Variants in TMEM135 observed in about 807,000 individuals in gnomAD.
TMEM135 encodes the protein transmembrane protein 135, also known as peroxisomal membrane protein 52.
TMEM135 carries 30 observed loss-of-function variants against 60.3 expected under a neutral mutation model. The observed-to-expected ratio is 0.50, with a 90% confidence interval of 0.37 to 0.68. TMEM135 has a LOEUF of 0.68. Among genes scored for constraint, TMEM135 ranks in the 30% least tolerant of loss-of-function variants. The pLI, the probability that TMEM135 is intolerant of heterozygous loss-of-function variation, is 0.00. For synonymous variants in TMEM135, 190 were observed against 186.7 expected (o/e 1.02, Z -0.14); for missense variants, 468 against 548.8 (o/e 0.85, Z 1.47).
At chr11:87,148,940 T>TA (rs1485959701) in intron 4 of TMEM135, among the ~76,000 whole-genome samples, 1 of 152,134 alleles carries the variant, frequency 6.6e-6, no homozygotes, top group African/African-American at 2.4e-5. Flanking sequence ...GGGTTGGAGT[T>TA]AAATTCATAT....
At chr11:87,130,006 G>T (rs1270829955) in intron 4 of TMEM135, among the ~76,000 whole-genome samples, 1 of 151,966 alleles carries the variant, frequency 6.6e-6, no homozygotes, top group African/African-American at 2.4e-5. Flanking sequence ...TATACTCCAA[G>T]ATAATGATTT....
At chr11:87,218,389 A>G (rs1337428031) in intron 5 of TMEM135, among the ~76,000 whole-genome samples, 1 of 152,136 alleles carries the variant, frequency 6.6e-6, no homozygotes, top group Non-Finnish European at 1.5e-5. Context: ...TATTTGTAAC[A>G]TCATCACTTC....
intron 6 of TMEM135, among the ~76,000 whole-genome samples, chr11:87,283,299 C>T (rs1253314690): frequency 1.3e-5 from 2 of 150,580 alleles, no homozygotes; most frequent in South Asian, 2.1e-4. Context: ...TGCCATTGCA[C>T]TCCAGCCTGG....
chr11:87,141,475 A>G (rs975784735), intron 4 of TMEM135, among the ~76,000 whole-genome samples: 2 of 152,110 alleles, frequency 1.3e-5, no homozygotes, highest in African/African-American at 2.4e-5. Flanking sequence ...TCACTTTCTT[A>G]TACATTTCTT....
chr11:87,139,541 T>C (rs1443573966), intron 4 of TMEM135, among the ~76,000 whole-genome samples: 3 of 152,184 alleles, frequency 2.0e-5, no homozygotes, highest in Non-Finnish European at 4.4e-5. Context: ...GGATATATGT[T>C]TTCATTTATC....
chr11:87,065,973 G>C (rs1224387685), intron 1 of TMEM135, among the ~76,000 whole-genome samples: 3 of 152,188 alleles, frequency 2.0e-5, no homozygotes, highest in African/African-American at 7.2e-5. Flanking sequence ...TTCCTTGAAG[G>C]AAAAGATTGG....
intron 5 of TMEM135, among the ~76,000 whole-genome samples, chr11:87,172,134 A>G (rs1939253813): frequency 6.6e-6 from 1 of 152,150 alleles, no homozygotes; most frequent in Non-Finnish European, 1.5e-5. Flanking sequence ...AACTATAGGT[A>G]CCTGGGCTCC....
In TMEM135 at chr11:87,326,510, G is replaced by A. The variant is rs1357164262; in HGVS notation, c.*5177G>A. 1 of 453,978 alleles carries A rather than the reference G, an allele frequency of 2.2e-6. No homozygotes were observed. Among genetic ancestry groups the A allele is most frequent in the Non-Finnish European group, 4.4e-6 (1 of 226,784 alleles). The allele number at this position is 453,978 out of a possible 1,614,324, so 28.1% of individuals were successfully genotyped here. On this transcript the variant is annotated 3_prime_UTR_variant, in exon 15 of 15. Coordinates refer to ENST00000305494, the MANE Select transcript of TMEM135 (RefSeq NM_022918.4). The stretch of plus-strand genomic sequence containing the variant: ...GAAGCTATAGTGCCAAAGGTTTAAA[G>A]CATGAAGTACATTCTGTGGTTGGTC...
At position 87,322,545 on chromosome 11, in the gene TMEM135, A is replaced by G. The variant is rs774995646; in HGVS notation, c.*1212A>G. 3 of 454,042 alleles carry G rather than the reference A, an allele frequency of 6.6e-6. No individual in the cohort carries two copies. The allele number at this position is 454,042 out of a possible 1,614,324, so 28.1% of individuals were successfully genotyped here. A position where few individuals can be genotyped will look rare whatever the true frequency, so the allele number is the denominator to read the frequency against. The stretch of plus-strand genomic sequence containing the variant: ...AAAAGTTATACTTTTCTATGTTAAT[A>G]AAGAGCTGAAGTGGTCTACAGTTAA... On this transcript the variant is annotated 3_prime_UTR_variant, in exon 15 of 15. Transcript: ENST00000305494.
At position 87,309,428 on chromosome 11, in the gene TMEM135, G is replaced by A. The variant is rs3758656; in HGVS notation, c.769-77G>A. 0.04 allele frequency: 58,460 copies of A among 1,462,976 alleles called. 2,808 individuals are homozygous for A. Among genetic ancestry groups the A allele is most frequent in the African/African-American group, 0.19 (13,353 of 71,700 alleles). 90.6% of individuals were successfully genotyped at this position (1,462,976 alleles called of 1,614,324 possible). ...ATTTGTTTTGTCTTGTTTCTATTTT[G>A]AGATGGTAAAATTCGTATTCTATCA... On this transcript the variant is annotated intron_variant, in intron 9 of 14. Transcript: ENST00000305494.
intron 7 of TMEM135, among the ~76,000 whole-genome samples, chr11:87,301,609 AT>A (rs766113596): frequency 4.6e-5 from 7 of 151,838 alleles, no homozygotes; most frequent in Non-Finnish European, 8.8e-5. Flanking sequence ...ATTTTACTAT[AT>A]TTTCGGAAAG....
intron 2 of TMEM135, among the ~76,000 whole-genome samples, chr11:87,069,635 G>A (rs1483271066): frequency 1.3e-5 from 2 of 152,140 alleles, no homozygotes; most frequent in Non-Finnish European, 2.9e-5. Flanking sequence ...CTACGTTAAC[G>A]TGTCCAATAG....
chr11:87,076,376 G>A (rs1856873474), intron 3 of TMEM135, among the ~76,000 whole-genome samples: 1 of 152,156 alleles, frequency 6.6e-6, no homozygotes, highest in African/African-American at 2.4e-5. Flanking sequence ...AATACCACAG[G>A]CTCTTCAGTC....
rs1591020994 is a variant in TMEM135, at chr11:87,102,727, T to C, written c.396+11332T>C. 5.2e-5 allele frequency among the ~76,000 whole-genome samples: 5 copies of C among 96,360 alleles called. No homozygotes were observed. In the South Asian group the frequency reaches 1.6e-3, roughly 31 times the overall value. 63.2% of individuals were successfully genotyped at this position (96,360 alleles called of 152,430 possible). A position where few individuals can be genotyped will look rare whatever the true frequency, so the allele number is the denominator to read the frequency against. ...ATGTATATATATGTATATATATATA[T>C]GTATATATATATGTATATATGTATA... is the stretch of plus-strand genomic sequence containing the variant. On this transcript the variant is annotated intron_variant, in intron 4 of 14. Transcript: ENST00000305494.
At chr11:87,147,068 T>C (rs1938435681) in intron 4 of TMEM135, among the ~76,000 whole-genome samples, 1 of 152,136 alleles carries the variant, frequency 6.6e-6, no homozygotes, top group Admixed American at 6.5e-5. Flanking sequence ...ACACCAGTAA[T>C]CCCAGCACTC....
chr11:87,179,728 A>G (rs541414996), intron 5 of TMEM135, among the ~76,000 whole-genome samples: 60 of 152,198 alleles, frequency 3.9e-4, no homozygotes, highest in Non-Finnish European at 7.2e-4. Flanking sequence ...ACAGTTGACC[A>G]TAAATATCAG....
chr11:87,240,496 C>T (rs1248589345), intron 6 of TMEM135, among the ~76,000 whole-genome samples: 1 of 151,146 alleles, frequency 6.6e-6, no homozygotes, highest in Admixed American at 6.6e-5. Flanking sequence ...CATAATTTTT[C>T]ATTCAGGATT....
Position 87,167,212 on chromosome 11 carries a change from C to T in TMEM135, c.462+9806C>T, listed in dbSNP as rs540312344. ...AGCTTAAGGAGATTTTGGGCTGAGACGATGGGGTTTTCTAAATATACAATT... is the reference window on the plus strand; with the variant it reads ...AGCTTAAGGAGATTTTGGGCTGAGATGATGGGGTTTTCTAAATATACAATT... On this transcript the variant is annotated intron_variant, in intron 5 of 14. Coordinates refer to ENST00000305494, the MANE Select transcript of TMEM135 (RefSeq NM_022918.4). 6.4e-4 allele frequency among the ~76,000 whole-genome samples: 98 copies of T among 152,238 alleles called. 1 individual carries two copies. Among genetic ancestry groups the T allele is most frequent in the African/African-American group, 2.2e-3 (93 of 41,558 alleles).
chr11:87,241,229 C>A (rs1311914758), intron 6 of TMEM135, among the ~76,000 whole-genome samples: 1 of 152,052 alleles, frequency 6.6e-6, no homozygotes, highest in Non-Finnish European at 1.5e-5. Flanking sequence ...TATAAACATA[C>A]CTTAGTATAT....
Sources: allele counts gnomAD v4.1 joint callset (sites outside exome capture counted in the v4.1 genomes callset), GRCh38; gene constraint gnomAD v4.1.1; transcripts MANE v1.5; gene names NCBI Gene and HGNC (gene_info 2026-07-23, HGNC 2026-07-21).